KLRG1: variants seen among roughly 807,000 people sequenced by gnomAD.
KLRG1 encodes killer cell lectin like receptor G1.
Under a neutral mutation model 21.8 loss-of-function variants are expected in KLRG1, and 16 were observed. The observed-to-expected ratio is 0.73, with a 90% CI of 0.50 to 1.11. KLRG1 has a LOEUF of 1.11. Ranked by LOEUF, KLRG1 falls within the 50% of genes most tolerant of loss-of-function variation. KLRG1 has a pLI of 0.00. For synonymous variants in KLRG1, 69 were observed against 75.9 expected, an observed-to-expected ratio of 0.91 and a Z score of 0.47; for missense variants, 173 against 218.3, an observed-to-expected ratio of 0.79 and a Z score of 1.31.
At chr12:9,099,150 A>G in the KLRG1 span, among the ~76,000 whole-genome samples, 2 of 152,164 alleles carry the variant, frequency 1.3e-5, no homozygotes, top group Non-Finnish European at 2.9e-5. Flanking sequence ...AGGGAATAAC[A>G]TACTCTGAAC....
At chr12:8,961,647 T>C (rs7315055) in intron 1 of KLRG1, among the ~76,000 whole-genome samples, 58,278 of 151,670 alleles carry the variant, frequency 0.38, 11,922 homozygotes, top group Middle Eastern at 0.47. Flanking sequence ...TCTTGAACTC[T>C]TGACCTCAGG....
chr12:9,049,649 A>C, the KLRG1 span, among the ~76,000 whole-genome samples: 1 of 151,974 alleles, frequency 6.6e-6, no homozygotes, highest in Non-Finnish European at 1.5e-5. Context: ...CCATTGCCTA[A>C]GTTTATTTTT....
the KLRG1 span, chr12:9,104,217 G>A: frequency 1.3e-6 from 2 of 1,599,300 alleles, no homozygotes; most frequent in Non-Finnish European, 1.7e-6. Context: ...TCATGTCATT[G>A]GTAATTTCTT....
the KLRG1 span, among the ~76,000 whole-genome samples, chr12:9,052,167 G>A: frequency 6.6e-6 from 1 of 152,142 alleles, no homozygotes; most frequent in South Asian, 2.1e-4. Flanking sequence ...CAGGATAGTG[G>A]ATTATTCATA....
the KLRG1 span, chr12:9,192,275 G>A: frequency 1.2e-6 from 2 of 1,612,012 alleles, no homozygotes; most frequent in Non-Finnish European, 8.5e-7. Context: ...AAAAAACAGT[G>A]AAGGAAATTT....
chr12:9,202,174 A>G, the KLRG1 span: 2 of 711,700 alleles, frequency 2.8e-6, no homozygotes, highest in South Asian at 3.8e-5. Flanking sequence ...TGTTTTGTAT[A>G]AGACTGCAAA....
chr12:8,957,816 A>C (rs757838065), intron 1 of KLRG1, among the ~76,000 whole-genome samples: 45 of 152,268 alleles, frequency 3.0e-4, no homozygotes, highest in Non-Finnish European at 6.2e-4. Context: ...ACAGTGCAAG[A>C]TTTTATCACA....
chr12:9,098,474 A>G, the KLRG1 span: 34 of 919,598 alleles, frequency 3.7e-5, no homozygotes, highest in Middle Eastern at 3.6e-4. Context: ...GAAAGCCCAC[A>G]AGAGAGCTCA....
At chr12:9,073,551 TTA>T in the KLRG1 span, among the ~76,000 whole-genome samples, 1 of 152,214 alleles carries the variant, frequency 6.6e-6, no homozygotes, top group South Asian at 2.1e-4. Context: ...ACAAAATTAC[TTA>T]GTTTTTTTCA....
the KLRG1 span, chr12:9,091,478 C>T: frequency 6.3e-7 from 1 of 1,587,810 alleles, no homozygotes; most frequent in South Asian, 1.1e-5. Context: ...TTAAATACAT[C>T]CTTTCTAGGG....
At chr12:9,079,060 T>C in the KLRG1 span, among the ~76,000 whole-genome samples, 1 of 152,082 alleles carries the variant, frequency 6.6e-6, no homozygotes, top group East Asian at 1.9e-4. Context: ...AAGCCTAACA[T>C]AACATGTATT....
At chr12:8,977,742 T>C (rs905189210) in intron 1 of KLRG1, among the ~76,000 whole-genome samples, 1 of 152,222 alleles carries the variant, frequency 6.6e-6, no homozygotes, top group Non-Finnish European at 1.5e-5. Context: ...AGTGGTTACT[T>C]TGAGTCTTGA....
chr12:9,203,858 T>TA, the KLRG1 span: 38 of 1,613,986 alleles, frequency 2.4e-5, no homozygotes, highest in African/African-American at 5.1e-4. Context: ...AGGAAGCACT[T>TA]ACAGTCACTG....
At chr12:9,073,433 T>G in the KLRG1 span, among the ~76,000 whole-genome samples, 1 of 152,244 alleles carries the variant, frequency 6.6e-6, no homozygotes, top group Non-Finnish European at 1.5e-5. Flanking sequence ...TTTTATTGGA[T>G]GATTTCCTGT....
At chr12:9,093,829 G>GCTTGTAGTAA in the KLRG1 span, among the ~76,000 whole-genome samples, 4 of 147,050 alleles carry the variant, frequency 2.7e-5, no homozygotes, top group African/African-American at 1.1e-4. Flanking sequence ...GAGAGGCCGA[G>GCTTGTAGTAA]GCCGAGACGG....
the KLRG1 span, chr12:9,069,163 C>A: frequency 1.0e-5 from 2 of 191,638 alleles, no homozygotes; most frequent in Non-Finnish European, 2.1e-5. Context: ...AGTTTGACTT[C>A]TCTGTCTTGC....
chr12:9,114,549 C>G, the KLRG1 span, among the ~76,000 whole-genome samples: 2 of 151,870 alleles, frequency 1.3e-5, no homozygotes, highest in African/African-American at 4.8e-5. Context: ...TATTTAATAT[C>G]TTTCTCTTCT....
the KLRG1 span, chr12:9,066,778 C>A: frequency 2.6e-5 from 4 of 152,218 alleles, no homozygotes. Flanking sequence ...ACTGCAAAGT[C>A]TTTTCCAGTT....
At chr12:9,020,204 G>A in the KLRG1 span, among the ~76,000 whole-genome samples, 2 of 152,062 alleles carry the variant, frequency 1.3e-5, no homozygotes. Context: ...GAACCACAAT[G>A]CCTGGCACTT....
Sources: gnomAD v4.1 joint callset for allele counts (sites outside exome capture counted in the v4.1 genomes callset) on GRCh38, gnomAD v4.1.1 for gene constraint, MANE v1.5 for transcripts, NCBI Gene and HGNC (gene_info 2026-07-23, HGNC 2026-07-21) for gene names.